RBM6: variants seen among roughly 807,000 people sequenced by gnomAD.
RBM6 encodes RNA binding motif protein 6, also known as RNA-binding protein 6.
RBM6 carries 23 observed loss-of-function variants against 140.4 expected under a neutral mutation model. The observed-to-expected ratio is 0.16, with a 90% CI of 0.12 to 0.23. RBM6 has a LOEUF of 0.23. RBM6 is among the 10% of genes least tolerant of loss of function. The pLI is 1.00. For missense variants in RBM6, 1,139 were observed against 1,386.7 expected (o/e 0.82, Z 2.84); for synonymous variants, 439 against 475.6 (o/e 0.92, Z 1.00).
chr3:50,025,763 T>A (rs2087778948), intron 6 of RBM6, among the ~76,000 whole-genome samples: 1 of 151,626 alleles, frequency 6.6e-6, no homozygotes, highest in Non-Finnish European at 1.5e-5. Context: ...ATATAGTTGT[T>A]CAACAGCTAT....
chr3:50,059,602 G>T, intron 10 of RBM6, 47 bp from the exon 11 acceptor site: 1 of 1,498,810 alleles, frequency 6.7e-7, no homozygotes, highest in Non-Finnish European at 9.2e-7. Context: ...CTGTCTTTGG[G>T]TTCTGGCATT....
At position 50,034,489 on chromosome 3, in the gene RBM6, C is replaced by T. The variant is rs537680711; in HGVS notation, c.1558-13756C>T. Among the ~76,000 whole-genome samples the T allele has an allele frequency of 5.3e-5, 8 of 152,124 alleles. No individual in the cohort carries two copies. In the South Asian group the frequency reaches 6.3e-4, roughly 12 times the overall value. On this transcript the variant is annotated intron_variant, in intron 6 of 20. Transcript: ENST00000266022. ...AATTTCAGATGGTGGTGGCCAGGTG[C>T]GGTGGCTCACGCCTGTAATCCCAGC...
chr3:49,990,185 A>AT lies in RBM6; in HGVS notation c.1484-9249dup, dbSNP rs1252000399. 3.3e-5 allele frequency among the ~76,000 whole-genome samples: 5 copies of AT among 152,182 alleles called. No homozygotes were observed. In the East Asian group the frequency reaches 9.6e-4, roughly 29 times the overall value. ...TACATTTTGAGAAATGGATCAAGTG[A>AT]TTTTTTCATTGTGTAAACATCATAG... On this transcript the variant is annotated intron_variant, in intron 5 of 20. Transcript: ENST00000266022.
intron 6 of RBM6, among the ~76,000 whole-genome samples, chr3:50,031,074 A>G (rs553405258): frequency 5.3e-5 from 8 of 152,246 alleles, no homozygotes; most frequent in Non-Finnish European, 1.2e-4. Context: ...GTAAAAAGCC[A>G]GGAAACAACA....
At chr3:50,047,412 T>A in intron 6 of RBM6, 1 of 778,072 alleles carries the variant, frequency 1.3e-6, no homozygotes, top group Non-Finnish European at 1.6e-6. Context: ...ACCTGCTGCC[T>A]AGTGTTTATT....
At chr3:50,043,205 C>T (rs780045402) in intron 6 of RBM6, among the ~76,000 whole-genome samples, 22 of 152,136 alleles carry the variant, frequency 1.4e-4, no homozygotes, top group Non-Finnish European at 2.4e-4. Flanking sequence ...ACCTCTTAGC[C>T]GGGTGCAGTG....
chr3:49,974,374 T>A (rs867499867), intron 4 of RBM6, among the ~76,000 whole-genome samples: 5 of 138,164 alleles, frequency 3.6e-5, no homozygotes, highest in Admixed American at 2.2e-4. Context: ...TCCTGGCTAA[T>A]TTTTTTTTTT....
chr3:49,960,357 T>C (rs1306082194), intron 1 of RBM6, among the ~76,000 whole-genome samples: 1 of 152,186 alleles, frequency 6.6e-6, no homozygotes, highest in African/African-American at 2.4e-5. Context: ...TGTAAACCTT[T>C]GACTCTTTTC....
intron 7 of RBM6, 93 bp from the exon 8 acceptor site, chr3:50,054,242 G>GT: frequency 1.9e-5 from 19 of 1,004,788 alleles, no homozygotes; most frequent in Admixed American, 1.2e-4. Context: ...GATATGGCTT[G>GT]TTTCTTTCAT....
chr3:50,013,000 C>T (rs1450244724), intron 6 of RBM6, among the ~76,000 whole-genome samples: 1 of 151,940 alleles, frequency 6.6e-6, no homozygotes, highest in Admixed American at 6.6e-5. Context: ...ACCTGGGCCT[C>T]CTAAAGTGCT....
chr3:50,076,898 AT>A, intron 20 of RBM6, 109 bp from the exon 21 acceptor site: 19 of 1,113,482 alleles, frequency 1.7e-5, no homozygotes, highest in Non-Finnish European at 2.2e-5. Flanking sequence ...AAAAAAAAAA[AT>A]TATCCTATAT....
intron 6 of RBM6, among the ~76,000 whole-genome samples, chr3:50,015,436 T>A (rs573743921): frequency 0.062 from 8,841 of 142,662 alleles, 265 homozygotes; most frequent in Non-Finnish European, 0.074. Flanking sequence ...TTATTATTTT[T>A]TTTTTTTTTT....
intron 8 of RBM6, among the ~76,000 whole-genome samples, chr3:50,055,426 AAAAT>A (rs1402892928): frequency 2.0e-5 from 3 of 152,190 alleles, no homozygotes; most frequent in East Asian, 3.9e-4. Flanking sequence ...TGAGAAAAAA[AAAAT>A]TGCAGTTTGG....
intron 9 of RBM6, 49 bp downstream of exon 9, chr3:50,058,052 G>A: frequency 1.9e-6 from 3 of 1,579,862 alleles, no homozygotes; most frequent in Non-Finnish European, 2.6e-6. Flanking sequence ...TCACAATGGA[G>A]CATAGATGGC....
intron 20 of RBM6, among the ~76,000 whole-genome samples, chr3:50,076,571 G>C (rs2090467137): frequency 6.6e-6 from 1 of 151,208 alleles, no homozygotes; most frequent in Non-Finnish European, 1.5e-5. Context: ...CTGGGTGACA[G>C]AGCGAGACTC....
chr3:50,015,046 CAAAAA>C (rs71080566), intron 6 of RBM6, among the ~76,000 whole-genome samples: 2 of 52,858 alleles, frequency 3.8e-5, no homozygotes, highest in Non-Finnish European at 6.2e-5. Flanking sequence ...GAGACTGTCT[CAAAAA>C]AAAAAAAAAA....
At chr3:50,047,067 A>C in intron 6 of RBM6, 2 of 589,530 alleles carry the variant, frequency 3.4e-6, no homozygotes, top group Non-Finnish European at 4.3e-6. Context: ...ACCAGATGCT[A>C]AGACCTAGGT....
intron 5 of RBM6, among the ~76,000 whole-genome samples, chr3:49,989,088 G>C (rs1575622937): frequency 6.6e-6 from 1 of 152,154 alleles, no homozygotes; most frequent in African/African-American, 2.4e-5. Flanking sequence ...GACAGGGTAG[G>C]AAAATCATCA....
In RBM6 at chr3:50,066,242, C is replaced by T; in HGVS notation, c.2683C>T (p.Pro895Ser). 6.2e-7 allele frequency: 1 copy of T among 1,610,500 alleles called. No individual in the cohort carries two copies. The highest frequency in any genetic ancestry group is 1.1e-5 in the South Asian group (1 of 90,858). ...TTGATCCCTGGCCTTCTCCTTCCAG[C>T]CTAAAGTGGTAAACCCACTGATCGG... The part of the protein sequence containing the change: ...TVKKEESPPP[P>S]KVVNPLIGLL... The change falls in exon 17 of 21, where the codon CCT (proline) becomes TCT (serine). Residue 895 changes from proline (P) to serine (S), a missense_variant and splice_region_variant. Transcript: ENST00000266022.
Sources: allele counts gnomAD v4.1 joint callset (sites outside exome capture counted in the v4.1 genomes callset), GRCh38; gene constraint gnomAD v4.1.1; transcripts MANE v1.5; gene names NCBI Gene and HGNC (gene_info 2026-07-23, HGNC 2026-07-21).